PGM5: variants seen among roughly 807,000 people sequenced by gnomAD.
PGM5 encodes the protein phosphoglucomutase 5.
In PGM5, 23 loss-of-function variants were observed where a neutral mutation model predicts 59.2. The observed-to-expected ratio is 0.39, with a 90% CI of 0.28 to 0.55. The LOEUF is 0.55. Among genes scored for constraint, PGM5 ranks in the 20% least tolerant of loss-of-function variants. PGM5 has a pLI of 0.66. For synonymous variants in PGM5, 214 were observed against 286.0 expected, an observed-to-expected ratio of 0.75 and a Z score of 2.54; for missense variants, 574 against 748.3, an observed-to-expected ratio of 0.77 and a Z score of 2.72.
At chr9:68,388,760 T>G (rs1183815815) in intron 4 of PGM5, among the ~76,000 whole-genome samples, 1 of 152,164 alleles carries the variant, frequency 6.6e-6, no homozygotes, top group Non-Finnish European at 1.5e-5. Context: ...TTATAGCTAT[T>G]ATATTAAACT....
Position 68,357,576 on chromosome 9 carries a change from C to T in PGM5, c.261+188C>T. The T allele has an allele frequency of 7.9e-6, 7 of 889,014 alleles. No homozygotes were observed. In the East Asian group the frequency reaches 1.1e-4, roughly 14 times the overall value. The allele number at this position is 889,014 out of a possible 1,614,324, so 55.1% of individuals were successfully genotyped here. On this transcript the variant is annotated intron_variant, in intron 1 of 10. Transcript: ENST00000396396. ...CGCTCGCAGCCTCCCCGGTGCACCC[C>T]GGACACTGGGTTCTATTAGTACCCA... is the stretch of plus-strand genomic sequence containing the variant.
At chr9:68,366,943 A>G (rs1554676751) in intron 1 of PGM5, among the ~76,000 whole-genome samples, 1 of 152,228 alleles carries the variant, frequency 6.6e-6, no homozygotes, top group African/African-American at 2.4e-5. Flanking sequence ...TTTACTAACC[A>G]GAAAGCGCCT....
At position 68,435,619 on chromosome 9, in the gene PGM5, A is replaced by T. The variant is rs1823431570; in HGVS notation, c.1044-29474A>T. ...GAACTTTATCCCTTTTTATGGCTTAATAATATTTCACCATATGGTTATAGT... is the reference window on the plus strand; with the variant it reads ...GAACTTTATCCCTTTTTATGGCTTATTAATATTTCACCATATGGTTATAGT... On this transcript the variant is annotated intron_variant, in intron 6 of 10. Coordinates refer to ENST00000396396, the MANE Select transcript of PGM5 (RefSeq NM_021965.4). Among the ~76,000 whole-genome samples the T allele has an allele frequency of 2.0e-5, 3 of 152,164 alleles. No individual in the cohort carries two copies. The South Asian group carries it at 6.2e-4, about 32-fold the overall frequency.
intron 6 of PGM5, among the ~76,000 whole-genome samples, chr9:68,406,801 G>A (rs1411811902): frequency 1.4e-5 from 2 of 147,394 alleles, no homozygotes; most frequent in Non-Finnish European, 3.0e-5. Flanking sequence ...TGGCGATGGG[G>A]CTTTATGGAT....
intron 8 of PGM5, among the ~76,000 whole-genome samples, chr9:68,480,273 T>A (rs1162217866): frequency 6.6e-6 from 1 of 152,220 alleles, no homozygotes; most frequent in East Asian, 1.9e-4. Context: ...GTTGGTATGC[T>A]TTCATAATCC....
At chr9:68,510,080 T>A (rs1273022358) in intron 10 of PGM5, among the ~76,000 whole-genome samples, 2 of 152,036 alleles carry the variant, frequency 1.3e-5, no homozygotes, top group African/African-American at 4.8e-5. Flanking sequence ...CAACAAGATT[T>A]TGTTTTTTTC....
chr9:68,454,276 T>C (rs1285548158), intron 6 of PGM5, among the ~76,000 whole-genome samples: 1 of 152,154 alleles, frequency 6.6e-6, no homozygotes, highest in Non-Finnish European at 1.5e-5. Flanking sequence ...AATCTAGGGA[T>C]GGGACGCTGG....
intron 3 of PGM5, among the ~76,000 whole-genome samples, chr9:68,386,926 G>A: frequency 6.6e-6 from 1 of 151,916 alleles, no homozygotes. Context: ...GCATGAATGA[G>A]ATTTCACGCA....
At position 68,488,715 on chromosome 9, in the gene PGM5, T is replaced by C. The variant is rs566439566; in HGVS notation, c.1479+4667T>C. 1.1e-4 allele frequency among the ~76,000 whole-genome samples: 17 copies of C among 152,304 alleles called. No individual in the cohort carries two copies. The East Asian group carries it at 3.3e-3, about 29-fold the overall frequency. On this transcript the variant is annotated intron_variant, in intron 9 of 10. Coordinates refer to ENST00000396396, the MANE Select transcript of PGM5 (RefSeq NM_021965.4). ...ACTATACAGGGCCCAAGAGAGACTC[T>C]GTTTGATTTAGAAAGCATTTTCATG...
intron 6 of PGM5, among the ~76,000 whole-genome samples, chr9:68,435,008 C>T (rs1823423464): frequency 6.6e-6 from 1 of 152,178 alleles, no homozygotes; most frequent in South Asian, 2.1e-4. Context: ...CCTGATAAGT[C>T]CTGCCTGCCT....
intron 6 of PGM5, among the ~76,000 whole-genome samples, chr9:68,413,653 A>G (rs1463997623): frequency 1.1e-4 from 17 of 152,226 alleles, no homozygotes; most frequent in Non-Finnish European, 2.5e-4. Context: ...TGCATCTGTG[A>G]TACTAATCTT....
intron 10 of PGM5, among the ~76,000 whole-genome samples, chr9:68,501,212 G>T (rs1377605867): frequency 1.3e-5 from 2 of 152,076 alleles, no homozygotes; most frequent in African/African-American, 4.8e-5. Flanking sequence ...GACCTGGCTC[G>T]ATGGGCCCCC....
chr9:68,528,690 G>T (rs1168873673), intron 10 of PGM5, among the ~76,000 whole-genome samples: 1 of 152,150 alleles, frequency 6.6e-6, no homozygotes, highest in Non-Finnish European at 1.5e-5. Context: ...TTACATTCTA[G>T]CTGGGTAACT....
At chr9:68,432,442 C>T (rs542319910) in intron 6 of PGM5, among the ~76,000 whole-genome samples, 3 of 151,996 alleles carry the variant, frequency 2.0e-5, no homozygotes, top group South Asian at 2.1e-4. Flanking sequence ...CTCAAGTGAT[C>T]GGCCCACCTC....
At chr9:68,494,863 C>T (rs781800408) in intron 9 of PGM5, among the ~76,000 whole-genome samples, 50 of 152,218 alleles carry the variant, frequency 3.3e-4, no homozygotes, top group Non-Finnish European at 6.2e-4. Flanking sequence ...CTCTAGTTCA[C>T]CATGAAGAAC....
intron 6 of PGM5, among the ~76,000 whole-genome samples, chr9:68,407,836 T>G (rs1434904711): frequency 3.9e-5 from 6 of 152,246 alleles, no homozygotes; most frequent in Admixed American, 1.3e-4. Flanking sequence ...GCAAAAGAAT[T>G]GCTCTTTGAT....
At chr9:68,526,055 CAAA>C (rs1041124253) in intron 10 of PGM5, among the ~76,000 whole-genome samples, 1 of 125,688 alleles carries the variant, frequency 8.0e-6, no homozygotes, top group Non-Finnish European at 1.7e-5. Flanking sequence ...GACTCCTTCT[CAAA>C]AAAAAAAAAG....
chr9:68,520,889 T>C lies in PGM5; in HGVS notation c.1615-8678T>C, dbSNP rs141490691. ...ATCAGTTTTACATATAATTAGAGTA[T>C]GTTAAATTGTTTGCATTTCCCTGTG... On this transcript the variant is annotated intron_variant, in intron 10 of 10. Transcript: ENST00000396396. Among the ~76,000 whole-genome samples the C allele has an allele frequency of 3.4e-3, 516 of 152,358 alleles. 14 individuals are homozygous for C. The highest frequency in any genetic ancestry group is 0.025 in the Admixed American group (387 of 15,308).
chr9:68,408,842 C>T (rs1185705273), intron 6 of PGM5, among the ~76,000 whole-genome samples: 1 of 152,134 alleles, frequency 6.6e-6, no homozygotes, highest in Non-Finnish European at 1.5e-5. Flanking sequence ...ATCCTTTCCC[C>T]ATCGCTTTTT....
Sources: gnomAD v4.1 joint callset for allele counts (sites outside exome capture counted in the v4.1 genomes callset) on GRCh38, gnomAD v4.1.1 for gene constraint, MANE v1.5 for transcripts, NCBI Gene and HGNC (gene_info 2026-07-23, HGNC 2026-07-21) for gene names.